EBF2: variants seen among roughly 807,000 people sequenced by gnomAD.
EBF2 encodes transcription factor COE2.
A neutral mutation model predicts 72.8 loss-of-function variants in EBF2; 21 were observed. That is an observed-to-expected ratio of 0.29 (90% CI 0.20 to 0.42). EBF2 has a LOEUF of 0.42. Among genes scored for constraint, EBF2 ranks in the 10% least tolerant of loss-of-function variants. EBF2 has a pLI of 1.00. For synonymous variants in EBF2, 299 were observed against 274.2 expected (o/e 1.09, Z -0.89); for missense variants, 637 against 731.2 (o/e 0.87, Z 1.49).
intron 11 of EBF2, among the ~76,000 whole-genome samples, chr8:25,862,179 T>C (rs12678236): frequency 2.0e-5 from 3 of 152,304 alleles, no homozygotes; most frequent in Admixed American, 6.5e-5. Context: ...AACTAATAAA[T>C]TGATGTACTT....
chr8:25,893,362 C>T (rs1802815353), intron 7 of EBF2, among the ~76,000 whole-genome samples: 1 of 146,226 alleles, frequency 6.8e-6, no homozygotes. Context: ...TCTCAGCTTA[C>T]CACAACCTCT....
intron 6 of EBF2, among the ~76,000 whole-genome samples, chr8:25,998,936 C>T (rs1804678397): frequency 6.6e-6 from 1 of 152,158 alleles, no homozygotes; most frequent in Non-Finnish European, 1.5e-5. Flanking sequence ...TCGGGTCCCA[C>T]TTGCCAGCGC....
chr8:25,898,126 G>A (rs553684522), intron 7 of EBF2, among the ~76,000 whole-genome samples: 7 of 152,230 alleles, frequency 4.6e-5, no homozygotes, highest in Admixed American at 3.3e-4. Flanking sequence ...ATTATTGCAC[G>A]GTAATCTGTC....
chr8:25,984,462 G>T (rs754823741), intron 6 of EBF2, among the ~76,000 whole-genome samples: 1 of 152,172 alleles, frequency 6.6e-6, no homozygotes, highest in Admixed American at 6.5e-5. Context: ...GTGGGTGGAT[G>T]ACCTGAGGTC....
intron 6 of EBF2, among the ~76,000 whole-genome samples, chr8:26,004,690 A>G (rs930734188): frequency 8.6e-5 from 13 of 151,288 alleles, no homozygotes; most frequent in African/African-American, 2.9e-4. Context: ...AAAAAAAAAA[A>G]AAAAAAAAAG....
chr8:25,952,094 G>T (rs1252140848), intron 6 of EBF2, among the ~76,000 whole-genome samples: 1 of 152,074 alleles, frequency 6.6e-6, no homozygotes, highest in Admixed American at 6.5e-5. Flanking sequence ...GGAGTTCCAG[G>T]CCAGCCTGGG....
At chr8:25,852,913 T>G (rs536000641) in intron 14 of EBF2, among the ~76,000 whole-genome samples, 94 of 152,326 alleles carry the variant, frequency 6.2e-4, no homozygotes, top group African/African-American at 2.1e-3. Flanking sequence ...AAGAAGGCAC[T>G]TATCTTCATC....
At chr8:25,882,435 A>AG (rs1802619449) in intron 10 of EBF2, among the ~76,000 whole-genome samples, 1 of 152,178 alleles carries the variant, frequency 6.6e-6, no homozygotes, top group East Asian at 1.9e-4. Context: ...TGGCTGTACC[A>AG]GCTTGTGAAG....
Position 25,858,995 on chromosome 8 carries a change from A to G in EBF2, c.1343-491T>C, listed in dbSNP as rs75152817. ...TTTTATACCTTTCTCTCTCTTCCCCATCTATGTAAGGCCATGCCCTTGATA... is the reference window on the plus strand; with the variant it reads ...TTTTATACCTTTCTCTCTCTTCCCCGTCTATGTAAGGCCATGCCCTTGATA... On this transcript the variant is annotated intron_variant, in intron 13 of 15. Coordinates refer to ENST00000520164, the MANE Select transcript of EBF2 (RefSeq NM_022659.4). Among the ~76,000 whole-genome samples, 104 of 151,888 alleles carry G rather than the reference A, an allele frequency of 6.8e-4. 1 individual carries two copies. Among genetic ancestry groups the G allele is most frequent in the African/African-American group, 2.4e-3 (98 of 41,420 alleles).
At chr8:26,038,188 CAT>C (rs756814724) in intron 5 of EBF2, among the ~76,000 whole-genome samples, 10 of 152,226 alleles carry the variant, frequency 6.6e-5, no homozygotes, top group African/African-American at 9.7e-5. Context: ...TACACACACA[CAT>C]GTATGCTGCA....
At chr8:25,963,237 T>C (rs1185234172) in intron 6 of EBF2, among the ~76,000 whole-genome samples, 3 of 152,134 alleles carry the variant, frequency 2.0e-5, no homozygotes, top group Non-Finnish European at 2.9e-5. Flanking sequence ...ACAGGGAAAA[T>C]GACTCATTGA....
At chr8:26,003,183 C>T (rs1414789631) in intron 6 of EBF2, among the ~76,000 whole-genome samples, 1 of 152,110 alleles carries the variant, frequency 6.6e-6, no homozygotes, top group African/African-American at 2.4e-5. Context: ...TAACATTGGA[C>T]TGGGAGGGTT....
At chr8:26,014,508 C>T (rs755827226) in intron 6 of EBF2, among the ~76,000 whole-genome samples, 1 of 152,116 alleles carries the variant, frequency 6.6e-6, no homozygotes, top group African/African-American at 2.4e-5. Flanking sequence ...TTCTTTCCTC[C>T]TTTGCACTAT....
intron 10 of EBF2, among the ~76,000 whole-genome samples, chr8:25,863,257 T>G (rs1563380016): frequency 1.3e-5 from 2 of 152,130 alleles, no homozygotes; most frequent in African/African-American, 2.4e-5. Flanking sequence ...TCTATGAGCT[T>G]ATTCTCATAA....
chr8:26,033,138 C>T lies in EBF2; in HGVS notation c.498G>A (p.Lys166=). 1 of 1,614,096 alleles carries T rather than the reference C, an allele frequency of 6.2e-7. No homozygotes were observed. Among genetic ancestry groups the T allele is most frequent in the East Asian group, 2.2e-5 (1 of 44,876 alleles). ...TCTCATTTCGGTTTCCACAGCTTTTCTTTTCGCAGCATCGACTGTAGATTG... is the reference window on the plus strand; with the variant it reads ...TCTCATTTCGGTTTCCACAGCTTTTTTTTTCGCAGCATCGACTGTAGATTG... ...HEVMCSRCCE[K]KSCGNRNETP... The change falls in exon 6 of 16, where the codon AAG becomes AAA. Residue 166 remains lysine, a synonymous_variant. Coordinates refer to ENST00000520164, the MANE Select transcript of EBF2 (RefSeq NM_022659.4).
chr8:25,846,060 A>C (rs902841327), intron 15 of EBF2, among the ~76,000 whole-genome samples: 1 of 152,054 alleles, frequency 6.6e-6, no homozygotes, highest in South Asian at 2.1e-4. Flanking sequence ...AATGTTTGTG[A>C]GATCTGGATT....
intron 6 of EBF2, among the ~76,000 whole-genome samples, chr8:25,973,262 G>A (rs145414110): frequency 2.6e-5 from 4 of 152,274 alleles, no homozygotes; most frequent in Non-Finnish European, 5.9e-5. Context: ...GATATGTATT[G>A]AGGGATTTTT....
intron 6 of EBF2, among the ~76,000 whole-genome samples, chr8:26,019,144 C>T (rs190611823): frequency 2.6e-5 from 4 of 152,270 alleles, no homozygotes; most frequent in Admixed American, 1.3e-4. Flanking sequence ...CAATGTGCAA[C>T]AAGTTCAGGC....
Position 25,844,541 on chromosome 8 carries a change from C to G in EBF2, c.*68G>C. The G allele has an allele frequency of 6.3e-7, 1 of 1,583,844 alleles. No homozygotes were observed. The highest frequency in any genetic ancestry group is 8.7e-7 in the Non-Finnish European group (1 of 1,152,980). On this transcript the variant is annotated 3_prime_UTR_variant, in exon 16 of 16. Coordinates refer to ENST00000520164, the MANE Select transcript of EBF2 (RefSeq NM_022659.4). ...GCACCACTACACCCCCAAAAGAGCT[C>G]CTAGTGCTTTCTTCATTATTGGTCC...
Sources: allele counts gnomAD v4.1 joint callset (sites outside exome capture counted in the v4.1 genomes callset), GRCh38; gene constraint gnomAD v4.1.1; transcripts MANE v1.5; gene names NCBI Gene and HGNC (gene_info 2026-07-23, HGNC 2026-07-21).